The following GIPC2 variants were observed in gnomAD, a reference collection of about 807,000 sequenced individuals.
The protein encoded by GIPC2 is PDZ domain-containing protein GIPC2.
GIPC2 carries 30 observed loss-of-function variants against 30.6 expected under a neutral mutation model. The ratio of observed to expected loss-of-function variants is 0.98; its 90% CI spans 0.73 to 1.33. The LOEUF (loss-of-function observed/expected upper bound fraction) is 1.33, where lower values mean the gene tolerates loss of function less well. GIPC2 is among the 40% of genes most tolerant of loss of function. The pLI is 0.00. For synonymous variants in GIPC2, 167 were observed against 150.0 expected, an observed-to-expected ratio of 1.11 and a Z score of -0.83; for missense variants, 414 against 390.3, an observed-to-expected ratio of 1.06 and a Z score of -0.51.
At chr1:78,109,762 G>A (rs1283843348) in intron 3 of GIPC2, among the ~76,000 whole-genome samples, 11 of 151,976 alleles carry the variant, frequency 7.2e-5, no homozygotes, top group Non-Finnish European at 1.5e-4. Context: ...TGGTCTTGAA[G>A]AATAATGCTA....
In GIPC2 at chr1:78,130,184, C is replaced by T. The variant is rs188272719; in HGVS notation, c.796+4222C>T. ...AGTGGCACAATCTCGCTCACTGCAA[C>T]CCCCGCCTCCCGGGTTCAAGCGATT... On this transcript the variant is annotated intron_variant, in intron 5 of 5. Transcript: ENST00000370759. Among the ~76,000 whole-genome samples the T allele has an allele frequency of 7.5e-3, 1,141 of 151,264 alleles. 25 individuals are homozygous for T. Among genetic ancestry groups the T allele is most frequent in the South Asian group, 0.067 (317 of 4,736 alleles).
At chr1:78,071,101 C>T (rs1661609297) in intron 1 of GIPC2, among the ~76,000 whole-genome samples, 1 of 152,016 alleles carries the variant, frequency 6.6e-6, no homozygotes, top group African/African-American at 2.4e-5. Flanking sequence ...TAGCTATTGA[C>T]AAGATGAAGT....
rs986920962 is a variant in GIPC2, at chr1:78,111,090, T to C, written c.608-8303T>C. Among the ~76,000 whole-genome samples the C allele has an allele frequency of 5.9e-5, 9 of 152,160 alleles. No individual in the cohort carries two copies. In the South Asian group the frequency reaches 8.3e-4, roughly 14 times the overall value. On this transcript the variant is annotated intron_variant, in intron 3 of 5. Coordinates refer to ENST00000370759, the MANE Select transcript of GIPC2 (RefSeq NM_017655.6). The stretch of plus-strand genomic sequence containing the variant: ...TCTTGGTGCTCTGTAACTTCAGAGA[T>C]GGAAAGTACAGAAACTGTTGGTTGA...
chr1:78,107,152 T>C lies in GIPC2; in HGVS notation c.607+12020T>C, dbSNP rs572512974. Among the ~76,000 whole-genome samples, 214 of 149,420 alleles carry C rather than the reference T, an allele frequency of 1.4e-3. 4 individuals are homozygous for C. The highest frequency in any genetic ancestry group is 5.2e-3 in the African/African-American group (210 of 40,702). On this transcript the variant is annotated intron_variant, in intron 3 of 5. Coordinates refer to ENST00000370759, the MANE Select transcript of GIPC2 (RefSeq NM_017655.6). ...TCTTTCCCTCCTTCCCTCTCTCCCTTGCTCTCCCCCTTGCTCCCTCCCTCC... is the reference window on the plus strand; with the variant it reads ...TCTTTCCCTCCTTCCCTCTCTCCCTCGCTCTCCCCCTTGCTCCCTCCCTCC...
chr1:78,046,308 G>C lies in GIPC2; in HGVS notation c.214G>C (p.Gly72Arg). ...CCAGGAGCTCTACGCCCAGATCGCG[G>C]GCGCGTTTGAAATCTCGCCGTCGGA... ...SIQELYAQIA[G>R]AFEISPSEIL... The change falls in exon 1 of 6, where the codon GGC (glycine) becomes CGC (arginine). Residue 72 changes from glycine to arginine, a missense_variant. By Grantham distance (125) the Gly-to-Arg change is moderately radical (BLOSUM62 -2). Transcript: ENST00000370759. 6.2e-7 allele frequency: 1 copy of C among 1,611,496 alleles called. No homozygotes were observed.
At chr1:78,087,670 T>C (rs1437237717) in intron 2 of GIPC2, among the ~76,000 whole-genome samples, 1 of 152,034 alleles carries the variant, frequency 6.6e-6, no homozygotes, top group East Asian at 1.9e-4. Flanking sequence ...TGGAAGACAA[T>C]GTAGGCAATA....
intron 3 of GIPC2, among the ~76,000 whole-genome samples, chr1:78,107,824 C>CAAAAAAAAA (rs35134592): frequency 1.4e-4 from 4 of 28,764 alleles, no homozygotes; most frequent in Non-Finnish European, 1.8e-4. Context: ...AACTCTGTCT[C>CAAAAAAAAA]AAAAAAAAAA....
At chr1:78,130,952 T>A (rs1198237643) in intron 5 of GIPC2, among the ~76,000 whole-genome samples, 1 of 152,116 alleles carries the variant, frequency 6.6e-6, no homozygotes, top group Non-Finnish European at 1.5e-5. Context: ...AAATGGCCAC[T>A]AGAGGTCAGC....
At chr1:78,114,529 G>A (rs747277411) in intron 3 of GIPC2, among the ~76,000 whole-genome samples, 3 of 152,072 alleles carry the variant, frequency 2.0e-5, no homozygotes, top group Non-Finnish European at 4.4e-5. Flanking sequence ...TTCCTTAGAG[G>A]TGAAAACTGC....
chr1:78,061,995 A>G (rs1015052762), intron 1 of GIPC2, among the ~76,000 whole-genome samples: 2 of 152,190 alleles, frequency 1.3e-5, no homozygotes, highest in Non-Finnish European at 2.9e-5. Context: ...AAGCATTCAG[A>G]ATGTGTATTT....
chr1:78,068,097 G>A (rs972830582), intron 1 of GIPC2, among the ~76,000 whole-genome samples: 2 of 151,804 alleles, frequency 1.3e-5, no homozygotes, highest in African/African-American at 4.8e-5. Flanking sequence ...GAATTGTTTT[G>A]TATTGCATTT....
intron 1 of GIPC2, among the ~76,000 whole-genome samples, chr1:78,046,828 TGG>T (rs66737197): frequency 6.6e-6 from 1 of 152,008 alleles, no homozygotes; most frequent in Non-Finnish European, 1.5e-5. Flanking sequence ...CCAGATTAAG[TGG>T]GGGGGAAAAC....
At chr1:78,083,874 CA>C (rs1661877287) in intron 2 of GIPC2, among the ~76,000 whole-genome samples, 1 of 152,178 alleles carries the variant, frequency 6.6e-6, no homozygotes, top group Non-Finnish European at 1.5e-5. Context: ...TAGAACACAA[CA>C]AGATATTCTA....
At position 78,046,477 on chromosome 1, in the gene GIPC2, G is replaced by A. The variant is rs1412359837; in HGVS notation, c.240+143G>A. On this transcript the variant is annotated intron_variant, in intron 1 of 5. Transcript: ENST00000370759. ...GTGTTGAGTCCGCCGGGGGCGTCCC[G>A]GGGGAAAGTGAGTGTGCCTTCCCTG... 14 of 736,696 alleles carry A rather than the reference G, an allele frequency of 1.9e-5. No individual in the cohort carries two copies. In the East Asian group the frequency reaches 4.0e-4, roughly 21 times the overall value. 45.6% of individuals were successfully genotyped at this position (736,696 alleles called of 1,614,324 possible). A position where few individuals can be genotyped will look rare whatever the true frequency, so the allele number is the denominator to read the frequency against.
At chr1:78,084,543 C>T (rs1386660106) in intron 2 of GIPC2, among the ~76,000 whole-genome samples, 3 of 150,860 alleles carry the variant, frequency 2.0e-5, no homozygotes, top group African/African-American at 2.4e-5. Flanking sequence ...GAACTCGTAA[C>T]GATGCTTCTA....
At chr1:78,104,486 T>C (rs1662307363) in intron 3 of GIPC2, among the ~76,000 whole-genome samples, 1 of 152,122 alleles carries the variant, frequency 6.6e-6, no homozygotes. Flanking sequence ...AGGAGACCAA[T>C]GTGGCTATAT....
At position 78,126,845 on chromosome 1, in the gene GIPC2, C is replaced by T. The variant is rs147239088; in HGVS notation, c.796+883C>T. Among the ~76,000 whole-genome samples the T allele has an allele frequency of 5.1e-3, 775 of 152,222 alleles. 7 individuals carry two copies. Among genetic ancestry groups the T allele is most frequent in the African/African-American group, 0.018 (730 of 41,524 alleles). On this transcript the variant is annotated intron_variant, in intron 5 of 5. Transcript: ENST00000370759. Reference sequence around the variant, plus strand: ...ATTCAAACAAAATGCCCAATATTGTCGCTGGTTGGTCTGATTGGCTCAAGT... The same window carrying T: ...ATTCAAACAAAATGCCCAATATTGTTGCTGGTTGGTCTGATTGGCTCAAGT...
rs149932450 is a variant in GIPC2 at position 78,079,206 on chromosome 1, G to A, written c.241-1469G>A. 1.7e-3 allele frequency among the ~76,000 whole-genome samples: 254 copies of A among 152,242 alleles called. 2 individuals carry two copies. The highest frequency in any genetic ancestry group is 5.9e-3 in the African/African-American group (246 of 41,538). ...ACTGGGATGAAAAGAGGACAAGTTG[G>A]GGGGCCATAGTTGTTTCCTGTAGGC... On this transcript the variant is annotated intron_variant, in intron 1 of 5. Coordinates refer to ENST00000370759, the MANE Select transcript of GIPC2 (RefSeq NM_017655.6).
chr1:78,089,233 C>T (rs530649505), intron 2 of GIPC2: 2 of 152,144 alleles, frequency 1.3e-5, no homozygotes, highest in Non-Finnish European at 2.9e-5. Flanking sequence ...ATCAGATAGG[C>T]CTGCTTTCAG....
Sources: allele counts gnomAD v4.1 joint callset (sites outside exome capture counted in the v4.1 genomes callset), GRCh38; gene constraint gnomAD v4.1.1; transcripts MANE v1.5; gene names NCBI Gene and HGNC (gene_info 2026-07-23, HGNC 2026-07-21).